The following PPARGC1A variants were observed in gnomAD, a reference collection of about 807,000 sequenced individuals.
PPARGC1A encodes the protein PPARG coactivator 1 alpha.
Under a neutral mutation model 88.7 loss-of-function variants are expected in PPARGC1A, and 25 were observed. The ratio of observed to expected loss-of-function variants is 0.28; its 90% CI spans 0.21 to 0.39. PPARGC1A has a LOEUF of 0.39. Ranked by LOEUF, PPARGC1A falls within the 10% of genes least tolerant of loss-of-function variation. The pLI, the probability that PPARGC1A is intolerant of heterozygous loss-of-function variation, is 1.00. For missense variants in PPARGC1A, 880 were observed against 968.7 expected, an observed-to-expected ratio of 0.91 and a Z score of 1.22; for synonymous variants, 363 against 355.6, an observed-to-expected ratio of 1.02 and a Z score of -0.24.
At chr4:24,387,938 A>AAGAAAGAAAGGG in the PPARGC1A span, among the ~76,000 whole-genome samples, 1 of 114,952 alleles carries the variant, frequency 8.7e-6, no homozygotes, top group Non-Finnish European at 1.8e-5. Flanking sequence ...AAGAAAGAGA[A>AAGAAAGAAAGGG]AGAAAGAAAG....
At chr4:24,242,321 C>T in the PPARGC1A span, among the ~76,000 whole-genome samples, 17,619 of 152,196 alleles carry the variant, frequency 0.12, 1,529 homozygotes, top group African/African-American at 0.24. Flanking sequence ...CTCGTCCTGA[C>T]GCCCACCCCC....
At chr4:23,909,446 G>C in the PPARGC1A span, among the ~76,000 whole-genome samples, 1 of 150,756 alleles carries the variant, frequency 6.6e-6, no homozygotes, top group Admixed American at 6.6e-5. Context: ...AATAGGAATG[G>C]TTTGGCAAGA....
rs1368163666 is a variant in PPARGC1A, at chr4:23,795,315, A to G, written c.*507T>C. 1 of 108,906 alleles carries G rather than the reference A, an allele frequency of 9.2e-6. No homozygotes were observed. Among genetic ancestry groups the G allele is most frequent in the Non-Finnish European group, 1.8e-5 (1 of 54,080 alleles). The allele number at this position is 108,906 out of a possible 1,614,324, so 6.7% of individuals were successfully genotyped here. A position where few individuals can be genotyped will look rare whatever the true frequency, so the allele number is the denominator to read the frequency against. On this transcript the variant is annotated 3_prime_UTR_variant, in exon 13 of 13. Coordinates refer to ENST00000264867, the MANE Select transcript of PPARGC1A (RefSeq NM_013261.5). The stretch of plus-strand genomic sequence containing the variant: ...TTTATATATATATATATATATATAT[A>G]TATATATATATATATTTCCTTTTGA...
At chr4:24,229,801 C>T in the PPARGC1A span, among the ~76,000 whole-genome samples, 4 of 147,030 alleles carry the variant, frequency 2.7e-5, no homozygotes, top group Non-Finnish European at 3.0e-5. Flanking sequence ...GCCAAGATGG[C>T]GTCATTGCAT....
the PPARGC1A span, among the ~76,000 whole-genome samples, chr4:23,922,577 A>C: frequency 2.4e-4 from 36 of 152,310 alleles, no homozygotes; most frequent in South Asian, 4.1e-4. Context: ...TTATTTCAGT[A>C]GTATGGGGTA....
At chr4:24,121,932 A>G in the PPARGC1A span, among the ~76,000 whole-genome samples, 3 of 151,990 alleles carry the variant, frequency 2.0e-5, no homozygotes, top group South Asian at 4.2e-4. Flanking sequence ...GTTCCTGAGA[A>G]CCTCATTTTA....
At chr4:24,132,904 C>T in the PPARGC1A span, among the ~76,000 whole-genome samples, 1 of 152,062 alleles carries the variant, frequency 6.6e-6, no homozygotes, top group Non-Finnish European at 1.5e-5. Context: ...TTACTGCTGA[C>T]ATTTAAAAAC....
intron 2 of PPARGC1A, among the ~76,000 whole-genome samples, chr4:23,862,593 A>G (rs1731404237): frequency 6.6e-6 from 1 of 152,192 alleles, no homozygotes. Context: ...CTTTCAACCC[A>G]TCATGGTGAT....
the PPARGC1A span, among the ~76,000 whole-genome samples, chr4:24,010,943 C>A: frequency 2.6e-5 from 4 of 152,118 alleles, no homozygotes; most frequent in African/African-American, 9.6e-5. Context: ...CACTTGGCAT[C>A]ATACAGAAAT....
At chr4:24,115,645 T>C in the PPARGC1A span, among the ~76,000 whole-genome samples, 2 of 152,194 alleles carry the variant, frequency 1.3e-5, no homozygotes, top group South Asian at 4.1e-4. Context: ...CAGCTCCCAG[T>C]AAAATGAGAA....
chr4:24,339,233 T>TGA, the PPARGC1A span, among the ~76,000 whole-genome samples: 4 of 119,300 alleles, frequency 3.4e-5, no homozygotes, highest in East Asian at 1.1e-3. Flanking sequence ...TATATATATA[T>TGA]ATATACACAC....
chr4:24,472,674 C>T, the PPARGC1A span, among the ~76,000 whole-genome samples: 1 of 151,966 alleles, frequency 6.6e-6, no homozygotes, highest in African/African-American at 2.4e-5. The surrounding 1 kb of genome is among the most constrained non-coding windows in gnomAD (Gnocchi z 4.5). Context: ...GCCGCCGCCG[C>T]CGCCGCCGCC....
chr4:23,795,294 TATATATA>T lies in PPARGC1A; in HGVS notation c.*521_*527del, dbSNP rs1717327052. The T allele has an allele frequency of 1.6e-3, 3 of 1,824 alleles. No individual in the cohort carries two copies. Among genetic ancestry groups the T allele is most frequent in the African/African-American group, 2.8e-3 (3 of 1,082 alleles). The allele number at this position is 1,824 out of a possible 1,614,324, so 0.1% of individuals were successfully genotyped here. A position where few individuals can be genotyped will look rare whatever the true frequency, so the allele number is the denominator to read the frequency against. On this transcript the variant is annotated 3_prime_UTR_variant, in exon 13 of 13. Transcript: ENST00000264867. Reference sequence around the variant, plus strand: ...TTAGTTTTCTTTCCTTTTTAATTTATATATATATATATATATATATATATATATATAT... The same window carrying T: ...TTAGTTTTCTTTCCTTTTTAATTTATTATATATATATATATATATATATAT...
At chr4:23,872,906 T>C (rs1415513268) in intron 2 of PPARGC1A, among the ~76,000 whole-genome samples, 1 of 152,050 alleles carries the variant, frequency 6.6e-6, no homozygotes, top group Non-Finnish European at 1.5e-5. Context: ...TCTAAGAAAA[T>C]GTGGGCCGGG....
At chr4:24,231,949 A>AT in the PPARGC1A span, among the ~76,000 whole-genome samples, 1 of 152,088 alleles carries the variant, frequency 6.6e-6, no homozygotes, top group Non-Finnish European at 1.5e-5. Context: ...GTTTTTTCCC[A>AT]TTTTCCCTTC....
the PPARGC1A span, among the ~76,000 whole-genome samples, chr4:24,272,917 C>A: frequency 1.3e-5 from 2 of 152,110 alleles, no homozygotes; most frequent in African/African-American, 2.4e-5. Flanking sequence ...GTACAGTATT[C>A]ATTATTAATT....
At chr4:24,276,956 A>G in the PPARGC1A span, among the ~76,000 whole-genome samples, 2 of 152,340 alleles carry the variant, frequency 1.3e-5, no homozygotes, top group Admixed American at 1.3e-4. Context: ...AGCTCCATGT[A>G]GCTCTTCTGA....
intron 1 of PPARGC1A, 147 bp from the exon 2 acceptor site, chr4:23,885,078 A>G: frequency 1.5e-6 from 1 of 679,602 alleles, no homozygotes; most frequent in Non-Finnish European, 2.2e-6. Context: ...CACCAGGAAA[A>G]ACATCCTAAA....
the PPARGC1A span, among the ~76,000 whole-genome samples, chr4:24,252,594 A>G: frequency 6.6e-6 from 1 of 152,212 alleles, no homozygotes; most frequent in Non-Finnish European, 1.5e-5. Context: ...CAGATGCCCA[A>G]TATAAAGCAC....
Sources: allele counts gnomAD v4.1 joint callset (sites outside exome capture counted in the v4.1 genomes callset), GRCh38; gene constraint gnomAD v4.1.1; non-coding constraint Gnocchi (gnomAD v3.1); transcripts MANE v1.5; gene names NCBI Gene and HGNC (gene_info 2026-07-23, HGNC 2026-07-21).